The following RAPGEF5 variants were observed in gnomAD, a reference collection of about 807,000 sequenced individuals.
RAPGEF5 encodes the protein Rap guanine nucleotide exchange factor 5.
In RAPGEF5, 65 loss-of-function variants were observed where a neutral mutation model predicts 125.2. The observed-to-expected ratio is 0.52, with a 90% CI of 0.43 to 0.64. The LOEUF is 0.64. Among genes scored for constraint, RAPGEF5 ranks in the 30% least tolerant of loss-of-function variants. The pLI is 0.00. For missense variants in RAPGEF5, 958 were observed against 1,048.1 expected, an observed-to-expected ratio of 0.91 and a Z score of 1.19; for synonymous variants, 391 against 385.9, an observed-to-expected ratio of 1.01 and a Z score of -0.16.
At chr7:22,265,873 T>C (rs572372847) in intron 7 of RAPGEF5, among the ~76,000 whole-genome samples, 13 of 152,286 alleles carry the variant, frequency 8.5e-5, no homozygotes, top group African/African-American at 2.2e-4. Flanking sequence ...CCTCTGCAAA[T>C]ATAATGCTGT....
chr7:22,178,828 C>G (rs1035264459), intron 11 of RAPGEF5, among the ~76,000 whole-genome samples: 2 of 152,134 alleles, frequency 1.3e-5, no homozygotes, highest in African/African-American at 4.8e-5. Context: ...TCTCCCTCCC[C>G]TCCCCAGACG....
At chr7:22,189,538 C>T (rs1385257140) in intron 11 of RAPGEF5, among the ~76,000 whole-genome samples, 2 of 152,138 alleles carry the variant, frequency 1.3e-5, no homozygotes, top group African/African-American at 2.4e-5. Flanking sequence ...TCTTACCTTC[C>T]TCGTAATTCT....
At chr7:22,239,794 G>A (rs975484765) in intron 7 of RAPGEF5, among the ~76,000 whole-genome samples, 7 of 152,066 alleles carry the variant, frequency 4.6e-5, no homozygotes, top group Non-Finnish European at 5.9e-5. Context: ...ATCTCATATC[G>A]GTTCCTTTAA....
At chr7:22,150,556 G>C (rs766996942) in intron 17 of RAPGEF5, 52 bp from the exon 18 acceptor site, 1 of 1,549,818 alleles carries the variant, frequency 6.5e-7, no homozygotes, top group East Asian at 2.4e-5. Context: ...TACAAGAGTA[G>C]CAGCAGTAGG....
At chr7:22,193,197 C>T in intron 11 of RAPGEF5, 170 bp downstream of exon 11, 1 of 687,332 alleles carries the variant, frequency 1.5e-6, no homozygotes, top group Non-Finnish European at 2.4e-6. Context: ...TACATGTGTC[C>T]ATTTATTGGA....
At chr7:22,333,023 C>T (rs1024980319) in intron 1 of RAPGEF5, among the ~76,000 whole-genome samples, 2 of 152,136 alleles carry the variant, frequency 1.3e-5, no homozygotes, top group Middle Eastern at 3.2e-3. Context: ...AAATAAAATG[C>T]TTTTAATCAT....
chr7:22,240,375 G>A (rs1031553271), intron 7 of RAPGEF5, among the ~76,000 whole-genome samples: 1 of 149,216 alleles, frequency 6.7e-6, no homozygotes, highest in African/African-American at 2.5e-5. Context: ...TACTTTTTTC[G>A]GTTGTTTGTT....
At chr7:22,153,986 C>T (rs79205650) in intron 17 of RAPGEF5, among the ~76,000 whole-genome samples, 2 of 152,176 alleles carry the variant, frequency 1.3e-5, no homozygotes, top group Non-Finnish European at 2.9e-5. Context: ...CTCCCCACGT[C>T]CACCTAAAGG....
At chr7:22,352,558 A>G (rs1784350225) in intron 1 of RAPGEF5, among the ~76,000 whole-genome samples, 1 of 152,198 alleles carries the variant, frequency 6.6e-6, no homozygotes, top group Non-Finnish European at 1.5e-5. Context: ...GCCATTTAAA[A>G]AGTATACAGG....
chr7:22,198,952 G>T (rs2128127602), intron 9 of RAPGEF5, among the ~76,000 whole-genome samples: 1 of 152,324 alleles, frequency 6.6e-6, no homozygotes, highest in African/African-American at 2.4e-5. Flanking sequence ...CAGAACCACA[G>T]ATGTCCCCTA....
intron 3 of RAPGEF5, among the ~76,000 whole-genome samples, chr7:22,311,666 G>A (rs573696963): frequency 6.6e-6 from 1 of 152,304 alleles, no homozygotes; most frequent in African/African-American, 2.4e-5. Context: ...GACATGTTCA[G>A]TTGCAGGTTA....
In RAPGEF5 at chr7:22,219,997, G is replaced by C. The variant is rs1013368070; in HGVS notation, c.871-6C>G. 3 of 1,613,174 alleles carry C rather than the reference G, an allele frequency of 1.9e-6. No homozygotes were observed. The highest frequency in any genetic ancestry group is 2.2e-5 in the South Asian group (2 of 90,980). The stretch of plus-strand genomic sequence containing the variant: ...AGCTTGCACATCACCCCTGCCTTAA[G>C]AGTTGGAGAAAAAGCGAAGATATAC... On this transcript the variant is annotated splice_region_variant and splice_polypyrimidine_tract_variant and intron_variant, in intron 8 of 25. Coordinates refer to ENST00000665637, the MANE Select transcript of RAPGEF5 (RefSeq NM_012294.5).
At chr7:22,132,179 GT>G (rs1248601893) in intron 23 of RAPGEF5, among the ~76,000 whole-genome samples, 1 of 152,064 alleles carries the variant, frequency 6.6e-6, no homozygotes, top group Non-Finnish European at 1.5e-5. Flanking sequence ...TATTCTGCTG[GT>G]CCCTATGGGG....
chr7:22,341,609 G>A (rs1203193829), intron 1 of RAPGEF5, among the ~76,000 whole-genome samples: 2 of 152,230 alleles, frequency 1.3e-5, no homozygotes, highest in Non-Finnish European at 2.9e-5. Flanking sequence ...TACAACGGGG[G>A]TGAAGGCATT....
intron 6 of RAPGEF5, among the ~76,000 whole-genome samples, chr7:22,272,682 G>A (rs1262500404): frequency 6.6e-6 from 1 of 152,102 alleles, no homozygotes; most frequent in Non-Finnish European, 1.5e-5. Flanking sequence ...ATTATATAAT[G>A]TTAAGCTAGT....
intron 1 of RAPGEF5, chr7:22,356,378 C>A (rs907964474): frequency 6.3e-5 from 24 of 380,120 alleles, no homozygotes; most frequent in African/African-American, 5.1e-4. Flanking sequence ...AAACCAGTCT[C>A]GATGCCCAGA....
At chr7:22,243,654 C>A (rs575195463) in intron 7 of RAPGEF5, among the ~76,000 whole-genome samples, 1 of 152,056 alleles carries the variant, frequency 6.6e-6, no homozygotes, top group Non-Finnish European at 1.5e-5. Flanking sequence ...TTATGGGATA[C>A]AATAGGATGC....
intron 8 of RAPGEF5, among the ~76,000 whole-genome samples, chr7:22,228,371 A>G (rs1226798301): frequency 1.3e-5 from 2 of 152,178 alleles, no homozygotes; most frequent in African/African-American, 2.4e-5. Flanking sequence ...ACATTAATAA[A>G]AACAAAGAAC....
chr7:22,303,672 G>A (rs142209215), intron 5 of RAPGEF5, among the ~76,000 whole-genome samples: 171 of 152,282 alleles, frequency 1.1e-3, no homozygotes, highest in African/African-American at 3.8e-3. Context: ...TGGGTTTTCA[G>A]CAAATGAATG....
Sources: allele counts gnomAD v4.1 joint callset (sites outside exome capture counted in the v4.1 genomes callset), GRCh38; gene constraint gnomAD v4.1.1; transcripts MANE v1.5; gene names NCBI Gene and HGNC (gene_info 2026-07-23, HGNC 2026-07-21).